The following UBP1 variants were observed in gnomAD, a reference collection of about 807,000 sequenced individuals.
UBP1 encodes upstream binding protein 1.
In UBP1, 22 loss-of-function variants were observed where a neutral mutation model predicts 76.1. The observed-to-expected ratio is 0.29, with a 90% confidence interval of 0.21 to 0.41. The LOEUF is 0.41. Among genes scored for constraint, UBP1 ranks in the 10% least tolerant of loss-of-function variants. UBP1 has a pLI of 1.00. For synonymous variants in UBP1, 224 were observed against 237.1 expected (o/e 0.94, Z 0.51); for missense variants, 436 against 668.1 (o/e 0.65, Z 3.83).
At chr3:33,413,335 AG>A (rs11350476) in intron 3 of UBP1, among the ~76,000 whole-genome samples, 57,240 of 151,422 alleles carry the variant, frequency 0.38, 11,743 homozygotes, top group East Asian at 0.6. Flanking sequence ...TCACGAGGTC[AG>A]GGAGATTGGG....
intron 8 of UBP1, among the ~76,000 whole-genome samples, chr3:33,404,226 C>G (rs1308397265): frequency 6.6e-6 from 1 of 152,178 alleles, no homozygotes; most frequent in Non-Finnish European, 1.5e-5. Flanking sequence ...TCCTGGCTAA[C>G]ATGGTGACAC....
intron 1 of UBP1, among the ~76,000 whole-genome samples, chr3:33,431,385 G>A (rs1217156715): frequency 6.6e-6 from 1 of 152,132 alleles, no homozygotes; most frequent in Non-Finnish European, 1.5e-5. Flanking sequence ...GACCAAACCA[G>A]AATAAATAAG....
intron 1 of UBP1, among the ~76,000 whole-genome samples, chr3:33,425,966 G>A (rs1424525255): frequency 7.3e-6 from 1 of 137,816 alleles, no homozygotes; most frequent in Non-Finnish European, 1.5e-5. Flanking sequence ...CTCGGGGTGG[G>A]AAGTGGGGGA....
intron 13 of UBP1, 148 bp from the exon 14 acceptor site, chr3:33,393,602 TCCC>T (rs1316372655): frequency 7.6e-6 from 5 of 657,406 alleles, no homozygotes; most frequent in Non-Finnish European, 2.3e-6. Flanking sequence ...ACTATTTCTT[TCCC>T]CCATCTTACT....
intron 2 of UBP1, among the ~76,000 whole-genome samples, chr3:33,424,973 G>A (rs2044987170): frequency 6.6e-6 from 1 of 152,014 alleles, no homozygotes; most frequent in South Asian, 2.1e-4. Flanking sequence ...TTAACCTGGG[G>A]GGCGGAGGTT....
intron 8 of UBP1, among the ~76,000 whole-genome samples, chr3:33,407,350 C>A (rs2044453805): frequency 6.6e-6 from 1 of 152,116 alleles, no homozygotes; most frequent in African/African-American, 2.4e-5. Context: ...TTACCAGAAC[C>A]TACTTCTTTA....
At chr3:33,413,546 CA>C (rs926941278) in intron 3 of UBP1, among the ~76,000 whole-genome samples, 7,561 of 55,376 alleles carry the variant, frequency 0.14, 106 homozygotes, top group Non-Finnish European at 0.19. Context: ...GACTCCATCA[CA>C]AAAAAAAAAA....
chr3:33,435,693 C>CT lies in UBP1; in HGVS notation c.113+4042dup. On this transcript the variant is annotated intron_variant, in intron 1 of 15. Coordinates refer to ENST00000283629, the MANE Select transcript of UBP1 (RefSeq NM_014517.5). Reference sequence around the variant, plus strand: ...GAACATCATAGCTTACCTAGCCTACCTTAAACATGCTCAGATCAGTTAGAT... The same window carrying CT: ...GAACATCATAGCTTACCTAGCCTACCTTTAAACATGCTCAGATCAGTTAGAT... Among the ~76,000 whole-genome samples, 3 of 152,236 alleles carry CT rather than the reference C, an allele frequency of 2.0e-5. 1 individual carries two copies. The highest frequency in any genetic ancestry group is 7.2e-5 in the African/African-American group (3 of 41,534).
chr3:33,399,516 G>C (rs2044141006), intron 11 of UBP1, among the ~76,000 whole-genome samples: 1 of 152,134 alleles, frequency 6.6e-6, no homozygotes, highest in South Asian at 2.1e-4. Flanking sequence ...CAACAACTTA[G>C]GTGGCCGTTA....
chr3:33,429,733 C>A (rs1201890042), intron 1 of UBP1, among the ~76,000 whole-genome samples: 1 of 152,176 alleles, frequency 6.6e-6, no homozygotes, highest in African/African-American at 2.4e-5. Flanking sequence ...TTGGAAATCA[C>A]AACAAGCTTG....
chr3:33,436,015 A>G (rs1008242066), intron 1 of UBP1, among the ~76,000 whole-genome samples: 7 of 152,170 alleles, frequency 4.6e-5, no homozygotes, highest in Admixed American at 3.9e-4. Context: ...AAAGAAAATC[A>G]TCAATTATTA....
Position 33,411,620 on chromosome 3 carries a change from A to G in UBP1, c.516T>C (p.Phe172=). The part of the protein sequence containing the change: ...TNPSQLNAVE[F]LWDPAKRTSA... Reference sequence around the variant, plus strand: ...AGGTGCGTTTTGCTGGGTCCCACAGAAATTCAACCGCATTTAACTGGCTTG... The same window carrying G: ...AGGTGCGTTTTGCTGGGTCCCACAGGAATTCAACCGCATTTAACTGGCTTG... Residue 172 remains phenylalanine, a synonymous_variant, in exon 5 of 16, where the codon TTT becomes TTC. Coordinates refer to ENST00000283629, the MANE Select transcript of UBP1 (RefSeq NM_014517.5). 1.2e-6 allele frequency: 2 copies of G among 1,614,220 alleles called. No homozygotes were observed. Among genetic ancestry groups the G allele is most frequent in the Non-Finnish European group, 1.7e-6 (2 of 1,180,016 alleles).
At chr3:33,427,849 A>C (rs559774738) in intron 1 of UBP1, among the ~76,000 whole-genome samples, 2 of 152,316 alleles carry the variant, frequency 1.3e-5, no homozygotes, top group African/African-American at 4.8e-5. Context: ...TGACCTAGGG[A>C]TTTTGCCCCA....
intron 8 of UBP1, chr3:33,403,470 A>G (rs2044306862): frequency 6.7e-6 from 1 of 148,992 alleles, no homozygotes; most frequent in Non-Finnish European, 1.4e-5. Flanking sequence ...TCAACTGTGT[A>G]CAGTACTACA....
At chr3:33,396,927 G>T in intron 12 of UBP1, 118 bp downstream of exon 12, 1 of 904,752 alleles carries the variant, frequency 1.1e-6, no homozygotes, top group Non-Finnish European at 1.8e-6. Flanking sequence ...TGCTGCCAAT[G>T]CTCGATGGCG....
At chr3:33,417,244 G>A (rs1170287942) in intron 2 of UBP1, among the ~76,000 whole-genome samples, 4 of 151,990 alleles carry the variant, frequency 2.6e-5, no homozygotes, top group Admixed American at 1.3e-4. Flanking sequence ...TAGAACACTC[G>A]CATCATCCTA....
At chr3:33,418,347 A>G (rs2044784457) in intron 2 of UBP1, among the ~76,000 whole-genome samples, 1 of 151,982 alleles carries the variant, frequency 6.6e-6, no homozygotes, top group Admixed American at 6.5e-5. Context: ...TCCACCTCCC[A>G]GGTTCAAGCA....
In UBP1 at chr3:33,389,115, G is replaced by C. The variant is rs1315554381; in HGVS notation, c.*1216C>G. On this transcript the variant is annotated 3_prime_UTR_variant, in exon 16 of 16. Transcript: ENST00000283629. ...GATATGGGAGGAAAGTGAGAAAACA[G>C]TGGATTCCCTTTGAAAAGTATGCTA... The C allele has an allele frequency of 6.5e-6, 1 of 152,672 alleles. No homozygotes were observed. Among genetic ancestry groups the C allele is most frequent in the Middle Eastern group, 3.2e-3 (1 of 316 alleles). 9.5% of individuals were successfully genotyped at this position (152,672 alleles called of 1,614,324 possible).
At chr3:33,436,154 T>C (rs763676652) in intron 1 of UBP1, among the ~76,000 whole-genome samples, 16 of 152,258 alleles carry the variant, frequency 1.1e-4, no homozygotes, top group Non-Finnish European at 2.1e-4. Context: ...TGACAGATAA[T>C]AGTGTACATT....
Sources: allele counts gnomAD v4.1 joint callset (sites outside exome capture counted in the v4.1 genomes callset), GRCh38; gene constraint gnomAD v4.1.1; transcripts MANE v1.5; gene names NCBI Gene and HGNC (gene_info 2026-07-23, HGNC 2026-07-21).